UMAD1: variants seen among roughly 807,000 people sequenced by gnomAD.
UMAD1 encodes the protein UBAP1-MVB12-associated (UMA) domain containing 1.
UMAD1 carries 8 observed loss-of-function variants against 6.1 expected under a neutral mutation model. The ratio of observed to expected loss-of-function variants is 1.30; its 90% CI spans 0.76 to 2.35. UMAD1 has a LOEUF of 2.35. UMAD1 is among the 30% of genes most tolerant of loss of function. The pLI is 0.00. For synonymous variants in UMAD1, 56 were observed against 31.4 expected, an observed-to-expected ratio of 1.78 and a Z score of -2.61; for missense variants, 130 against 78.4, an observed-to-expected ratio of 1.66 and a Z score of -2.49.
At chr7:7,676,182 C>G (rs183703710) in intron 2 of UMAD1, 253 of 398,640 alleles carry the variant, frequency 6.3e-4, no homozygotes, top group African/African-American at 4.9e-3. Flanking sequence ...CTTCGTGGCT[C>G]CACGACTTAC....
At chr7:7,799,091 T>C (rs1782746374) in intron 2 of UMAD1, among the ~76,000 whole-genome samples, 2 of 152,236 alleles carry the variant, frequency 1.3e-5, no homozygotes, top group African/African-American at 4.8e-5. Flanking sequence ...TATTTATTTT[T>C]ATAGTATTTA....
chr7:7,772,901 T>A (rs926613209), intron 2 of UMAD1, among the ~76,000 whole-genome samples: 1 of 151,850 alleles, frequency 6.6e-6, no homozygotes, highest in Admixed American at 6.6e-5. Context: ...AAGCCTTTTT[T>A]ATTTTTTTTT....
At chr7:7,742,116 A>G (rs1263018327) in intron 2 of UMAD1, 15 of 602,604 alleles carry the variant, frequency 2.5e-5, no homozygotes, top group Non-Finnish European at 4.5e-5. Flanking sequence ...GGCAACATCC[A>G]AAGCATCGTA....
At chr7:7,832,880 A>C (rs990502456) in intron 3 of UMAD1, among the ~76,000 whole-genome samples, 4 of 152,136 alleles carry the variant, frequency 2.6e-5, no homozygotes, top group Admixed American at 6.5e-5. Context: ...GCTTCTTCGT[A>C]GTTGCATTTG....
chr7:7,679,731 T>TATATATATATATATAC (rs1554313986), intron 2 of UMAD1, among the ~76,000 whole-genome samples: 2 of 135,930 alleles, frequency 1.5e-5, no homozygotes, highest in African/African-American at 2.8e-5. Flanking sequence ...TATATATATA[T>TATATATATATATATAC]ACACACACAC....
chr7:7,806,144 G>T (rs1344314875), intron 3 of UMAD1, among the ~76,000 whole-genome samples: 2 of 151,988 alleles, frequency 1.3e-5, no homozygotes, highest in Non-Finnish European at 2.9e-5. Flanking sequence ...TCTTCCAAAT[G>T]TGGTTTCTCC....
At chr7:7,778,946 T>C (rs578056874) in intron 2 of UMAD1, among the ~76,000 whole-genome samples, 2 of 152,324 alleles carry the variant, frequency 1.3e-5, no homozygotes, top group South Asian at 4.1e-4. Flanking sequence ...GCTAAGCATT[T>C]TATATGGATG....
chr7:7,767,607 C>T (rs1782015032), intron 2 of UMAD1, among the ~76,000 whole-genome samples: 2 of 152,078 alleles, frequency 1.3e-5, no homozygotes, highest in Admixed American at 1.3e-4. Context: ...AGTAAAGTGC[C>T]AGCTCTGGAT....
chr7:7,871,846 C>CA (rs3075743), intron 3 of UMAD1, among the ~76,000 whole-genome samples: 10,528 of 145,404 alleles, frequency 0.072, 1,216 homozygotes, highest in African/African-American at 0.24. Context: ...AGAGAATTGT[C>CA]AAAAAAAAAA....
intron 2 of UMAD1, among the ~76,000 whole-genome samples, chr7:7,769,400 T>C (rs1169307374): frequency 2.0e-5 from 3 of 152,204 alleles, no homozygotes; most frequent in Non-Finnish European, 4.4e-5. Context: ...AGGAATGATA[T>C]ACAAGTTTAT....
chr7:7,656,279 C>CT (rs1785340024), intron 1 of UMAD1, among the ~76,000 whole-genome samples: 1 of 152,028 alleles, frequency 6.6e-6, no homozygotes, highest in Non-Finnish European at 1.5e-5. Context: ...AAGTCTCTTG[C>CT]TGTTAGTAAA....
intron 3 of UMAD1, among the ~76,000 whole-genome samples, chr7:7,866,308 C>T (rs997127954): frequency 3.9e-5 from 6 of 152,204 alleles, no homozygotes; most frequent in African/African-American, 1.4e-4. Flanking sequence ...TGGCTTTGAA[C>T]AGCCCGTAGG....
intron 1 of UMAD1, among the ~76,000 whole-genome samples, chr7:7,666,546 T>C (rs574418317): frequency 6.6e-6 from 1 of 152,268 alleles, no homozygotes; most frequent in South Asian, 2.1e-4. Context: ...TTAATAGGTA[T>C]ATAATGGTAT....
chr7:7,757,407 C>G (rs1034775287), intron 2 of UMAD1, among the ~76,000 whole-genome samples: 7 of 152,168 alleles, frequency 4.6e-5, no homozygotes, highest in African/African-American at 1.7e-4. Flanking sequence ...CATTTTTAAA[C>G]CTTGACAACC....
At chr7:7,642,251 C>G (rs948033662) in intron 1 of UMAD1, among the ~76,000 whole-genome samples, 5 of 139,756 alleles carry the variant, frequency 3.6e-5, no homozygotes, top group African/African-American at 1.5e-4. Context: ...CCTCTCACCT[C>G]AGCCTGCCAA....
chr7:7,832,114 C>T (rs967786470), intron 3 of UMAD1, among the ~76,000 whole-genome samples: 1 of 152,104 alleles, frequency 6.6e-6, no homozygotes, highest in Non-Finnish European at 1.5e-5. Context: ...TATTTTGGGG[C>T]CATGGAGGCT....
At chr7:7,821,584 A>G (rs73359454) in intron 3 of UMAD1, among the ~76,000 whole-genome samples, 2,049 of 152,296 alleles carry the variant, frequency 0.013, 48 homozygotes, top group African/African-American at 0.047. Context: ...TAACCTCTGA[A>G]CAGTCAATTC....
At chr7:7,727,648 T>G (rs1308733174) in intron 2 of UMAD1, among the ~76,000 whole-genome samples, 1 of 152,146 alleles carries the variant, frequency 6.6e-6, no homozygotes, top group African/African-American at 2.4e-5. Context: ...GTGAACACCC[T>G]CTAATCAACT....
At position 7,730,571 on chromosome 7, in the gene UMAD1, A is replaced by G. The variant is rs184737207; in HGVS notation, c.82+57118A>G. Among the ~76,000 whole-genome samples the G allele has an allele frequency of 2.6e-3, 397 of 152,244 alleles. 2 individuals are homozygous for G. Among genetic ancestry groups the G allele is most frequent in the African/African-American group, 8.8e-3 (364 of 41,542 alleles). On this transcript the variant is annotated intron_variant, in intron 2 of 3. Coordinates refer to ENST00000682710, the MANE Select transcript of UMAD1 (RefSeq NM_001302348.2). ...GAGAAAAACAATTGCCTACATCCTC[A>G]CGTATAAGCCCTTCAAAAGGTACAC... is the stretch of plus-strand genomic sequence containing the variant.
Sources: allele counts gnomAD v4.1 joint callset (sites outside exome capture counted in the v4.1 genomes callset), GRCh38; gene constraint gnomAD v4.1.1; transcripts MANE v1.5; gene names NCBI Gene and HGNC (gene_info 2026-07-23, HGNC 2026-07-21).